Variants in UNC5C observed in about 807,000 individuals in gnomAD.
UNC5C encodes the protein unc-5 netrin receptor C.
In UNC5C, 47 loss-of-function variants were observed where a neutral mutation model predicts 99.8. That is an observed-to-expected ratio of 0.47 (90% CI 0.37 to 0.60). UNC5C has a LOEUF of 0.60. Ranked by LOEUF, UNC5C falls within the 20% of genes least tolerant of loss-of-function variation. The pLI is 0.00. For missense variants in UNC5C, 1,062 were observed against 1,165.9 expected (o/e 0.91, Z 1.30); for synonymous variants, 487 against 452.2 (o/e 1.08, Z -0.98).
chr4:95,264,637 A>T (rs1261389429), intron 4 of UNC5C, among the ~76,000 whole-genome samples: 1 of 152,116 alleles, frequency 6.6e-6, no homozygotes, highest in Non-Finnish European at 1.5e-5. Flanking sequence ...CTTAGTGGCT[A>T]AACTCCTTGA....
intron 1 of UNC5C, among the ~76,000 whole-genome samples, chr4:95,357,257 C>A (rs1169783563): frequency 6.6e-6 from 1 of 151,962 alleles, no homozygotes; most frequent in Non-Finnish European, 1.5e-5. Flanking sequence ...CCACCTCAGC[C>A]TCCTGAGTAG....
chr4:95,346,136 G>A (rs1743763139), intron 1 of UNC5C, among the ~76,000 whole-genome samples: 1 of 151,784 alleles, frequency 6.6e-6, no homozygotes, highest in Non-Finnish European at 1.5e-5. Flanking sequence ...AAGGATCATT[G>A]GAGTCTACTG....
At chr4:95,332,909 A>G (rs1292116404) in intron 2 of UNC5C, among the ~76,000 whole-genome samples, 1 of 152,224 alleles carries the variant, frequency 6.6e-6, no homozygotes, top group Non-Finnish European at 1.5e-5. Flanking sequence ...AAGTGGGCAA[A>G]GGACATGAAC....
intron 1 of UNC5C, among the ~76,000 whole-genome samples, chr4:95,437,768 C>T (rs1462786042): frequency 6.6e-6 from 1 of 152,028 alleles, no homozygotes; most frequent in East Asian, 1.9e-4. Flanking sequence ...GTGGTAAGGT[C>T]TCATGCAATG....
intron 1 of UNC5C, among the ~76,000 whole-genome samples, chr4:95,536,822 A>C (rs1034240291): frequency 5.9e-5 from 9 of 152,354 alleles, no homozygotes; most frequent in South Asian, 2.1e-4. Flanking sequence ...AGACGAGATT[A>C]TTCATCAAGT....
At chr4:95,537,654 C>A (rs191678411) in intron 1 of UNC5C, among the ~76,000 whole-genome samples, 2 of 152,208 alleles carry the variant, frequency 1.3e-5, no homozygotes, top group African/African-American at 4.8e-5. Flanking sequence ...TATATATAAG[C>A]AACTCTTTTG....
intron 1 of UNC5C, among the ~76,000 whole-genome samples, chr4:95,460,557 C>T (rs76446780): frequency 1.3e-5 from 2 of 152,070 alleles, no homozygotes; most frequent in Admixed American, 6.6e-5. Flanking sequence ...AGGGGAAACC[C>T]CTTTCACTTG....
chr4:95,413,650 T>C (rs1025973687), intron 1 of UNC5C, among the ~76,000 whole-genome samples: 1 of 152,242 alleles, frequency 6.6e-6, no homozygotes, highest in Non-Finnish European at 1.5e-5. Context: ...GGGACTGTGT[T>C]CTACCTCATT....
intron 14 of UNC5C, among the ~76,000 whole-genome samples, chr4:95,179,971 TAGAA>T (rs1032616834): frequency 9.3e-5 from 14 of 150,648 alleles, no homozygotes; most frequent in African/African-American, 2.2e-4. Context: ...TGATTGATGA[TAGAA>T]AGAAAATCTG....
At chr4:95,347,964 G>A (rs1317352681) in intron 1 of UNC5C, among the ~76,000 whole-genome samples, 1 of 152,000 alleles carries the variant, frequency 6.6e-6, no homozygotes, top group Non-Finnish European at 1.5e-5. Context: ...TCAGCAAAGT[G>A]AAGAGACAAC....
At chr4:95,478,566 C>T (rs936696787) in intron 1 of UNC5C, among the ~76,000 whole-genome samples, 2 of 151,970 alleles carry the variant, frequency 1.3e-5, no homozygotes, top group Non-Finnish European at 2.9e-5. Flanking sequence ...CTATTCCACA[C>T]CCTTGTTGTA....
At chr4:95,387,121 C>T (rs1745233103) in intron 1 of UNC5C, among the ~76,000 whole-genome samples, 1 of 151,878 alleles carries the variant, frequency 6.6e-6, no homozygotes, top group Non-Finnish European at 1.5e-5. Context: ...CTTTCTGTCT[C>T]TCTATCTCAC....
At chr4:95,269,787 A>G (rs1183926424) in intron 4 of UNC5C, among the ~76,000 whole-genome samples, 1 of 151,774 alleles carries the variant, frequency 6.6e-6, no homozygotes, top group Non-Finnish European at 1.5e-5. Flanking sequence ...ATCTCAGCTC[A>G]CTGCAACCTC....
chr4:95,371,013 T>C (rs1025174117), intron 1 of UNC5C, among the ~76,000 whole-genome samples: 3 of 152,180 alleles, frequency 2.0e-5, no homozygotes, highest in African/African-American at 7.2e-5. Flanking sequence ...AGTTTTTAGG[T>C]TTATTTATCT....
intron 1 of UNC5C, among the ~76,000 whole-genome samples, chr4:95,373,701 GA>G (rs1744811113): frequency 6.6e-6 from 1 of 152,124 alleles, no homozygotes; most frequent in African/African-American, 2.4e-5. Flanking sequence ...AATGAGCCCT[GA>G]GTTTATGGGA....
chr4:95,332,653 A>T (rs1743163221), intron 2 of UNC5C, among the ~76,000 whole-genome samples: 1 of 150,698 alleles, frequency 6.6e-6, no homozygotes, highest in Admixed American at 6.7e-5. Context: ...TTCAGGACAT[A>T]GGCATGGGCA....
chr4:95,256,537 T>C (rs61432589), intron 4 of UNC5C, among the ~76,000 whole-genome samples: 12,106 of 151,846 alleles, frequency 0.08, 698 homozygotes, highest in African/African-American at 0.16. Flanking sequence ...CACTATCGTT[T>C]CCTTCCTGAA....
intron 1 of UNC5C, among the ~76,000 whole-genome samples, chr4:95,518,717 A>G (rs1311439502): frequency 6.6e-6 from 1 of 152,222 alleles, no homozygotes; most frequent in Non-Finnish European, 1.5e-5. Flanking sequence ...GCAATCAAAC[A>G]AGATCTACTT....
chr4:95,199,093 C>T (rs976948442), intron 12 of UNC5C, among the ~76,000 whole-genome samples: 6 of 151,914 alleles, frequency 3.9e-5, no homozygotes, highest in African/African-American at 1.2e-4. Context: ...AGAGCATGAG[C>T]GTGAGTCAGG....
Sources: gnomAD v4.1 joint callset for allele counts (sites outside exome capture counted in the v4.1 genomes callset) on GRCh38, gnomAD v4.1.1 for gene constraint, MANE v1.5 for transcripts, NCBI Gene and HGNC (gene_info 2026-07-23, HGNC 2026-07-21) for gene names.